The following PCSK5 variants were observed in gnomAD, a reference collection of about 807,000 sequenced individuals.
The protein encoded by PCSK5 is prohormone convertase 5.
Under a neutral mutation model 233.2 loss-of-function variants are expected in PCSK5, and 129 were observed. The observed-to-expected ratio is 0.55, with a 90% CI of 0.48 to 0.64. The LOEUF is 0.64. PCSK5 is among the 30% of genes least tolerant of loss of function. The pLI, the probability that PCSK5 is intolerant of heterozygous loss-of-function variation, is 0.00. For synonymous variants in PCSK5, 825 were observed against 879.2 expected (o/e 0.94, Z 1.09); for missense variants, 2,076 against 2,430.1 (o/e 0.85, Z 3.06).
At chr9:75,893,006 T>C (rs1173447873) in intron 1 of PCSK5, among the ~76,000 whole-genome samples, 1 of 152,168 alleles carries the variant, frequency 6.6e-6, no homozygotes, top group Non-Finnish European at 1.5e-5. Context: ...TCTTTTTCTC[T>C]GGAAGAAAAC....
At chr9:76,086,812 T>C (rs991226754) in intron 7 of PCSK5, among the ~76,000 whole-genome samples, 1 of 152,164 alleles carries the variant, frequency 6.6e-6, no homozygotes, top group East Asian at 1.9e-4. Context: ...TTCCCTTATG[T>C]AGAAATGTAA....
intron 20 of PCSK5, among the ~76,000 whole-genome samples, chr9:76,200,400 T>C (rs1824868918): frequency 6.6e-6 from 1 of 152,136 alleles, no homozygotes; most frequent in Non-Finnish European, 1.5e-5. Context: ...GAGCAGTTCC[T>C]TCCACCACTG....
At chr9:76,179,541 G>T in intron 14 of PCSK5, 55 bp from the exon 15 acceptor site, 1 of 1,286,628 alleles carries the variant, frequency 7.8e-7, no homozygotes, top group Non-Finnish European at 1.1e-6. Context: ...TCAAGGTAAA[G>T]CTGACCTGCT....
rs762564457 is a variant in PCSK5, at chr9:76,239,085, T to C, written c.2993T>C (p.Val998Ala). Residue 998 changes from valine to alanine, a missense_variant, in exon 23 of 38, where the codon GTG (valine) becomes GCG (alanine). Coordinates refer to ENST00000674117, the MANE Select transcript of PCSK5 (RefSeq NM_001372043.1). Reference protein sequence around the residue: ...CPDNCELCHSVHVCTRCMKGY... With the variant: ...CPDNCELCHSAHVCTRCMKGY... ...GACAACTGTGAGCTTTGCCACAGCGTGCATGTCTGCACAAGATGCATGAAG... is the reference window on the plus strand; with the variant it reads ...GACAACTGTGAGCTTTGCCACAGCGCGCATGTCTGCACAAGATGCATGAAG... 7 of 1,609,132 alleles carry C rather than the reference T, an allele frequency of 4.4e-6. No homozygotes were observed. In the Admixed American group the frequency reaches 1.2e-4, roughly 27 times the overall value.
intron 13 of PCSK5, among the ~76,000 whole-genome samples, chr9:76,172,613 A>G (rs927699816): frequency 3.3e-5 from 5 of 152,212 alleles, no homozygotes; most frequent in African/African-American, 9.6e-5. Flanking sequence ...CTTAAATAAA[A>G]TGAACTAAAT....
chr9:75,967,584 T>C (rs1252598074), intron 2 of PCSK5, among the ~76,000 whole-genome samples: 1 of 152,236 alleles, frequency 6.6e-6, no homozygotes, highest in African/African-American at 2.4e-5. Flanking sequence ...TCTGTGTTGT[T>C]GGCCCATTTC....
chr9:76,129,589 T>G (rs998997341), intron 9 of PCSK5, among the ~76,000 whole-genome samples: 2 of 152,124 alleles, frequency 1.3e-5, no homozygotes, highest in Non-Finnish European at 2.9e-5. Context: ...CCTTAATAAG[T>G]GCAGGTGAGT....
At chr9:76,044,038 A>G (rs1276320422) in intron 5 of PCSK5, among the ~76,000 whole-genome samples, 1 of 152,186 alleles carries the variant, frequency 6.6e-6, no homozygotes, top group Admixed American at 6.5e-5. Flanking sequence ...GAAAAATGTT[A>G]CCAACTTTCT....
At chr9:76,000,934 T>C (rs1160218903) in intron 3 of PCSK5, among the ~76,000 whole-genome samples, 1 of 151,920 alleles carries the variant, frequency 6.6e-6, no homozygotes, top group Non-Finnish European at 1.5e-5. Context: ...TTTTTTAAAC[T>C]CATATTTAGA....
intron 2 of PCSK5, among the ~76,000 whole-genome samples, chr9:75,951,166 G>C (rs769168294): frequency 6.6e-6 from 1 of 152,154 alleles, no homozygotes; most frequent in Non-Finnish European, 1.5e-5. Context: ...GAGGGCAAAG[G>C]CTTCATATGT....
chr9:76,192,112 C>G (rs952227342), intron 20 of PCSK5, among the ~76,000 whole-genome samples: 1 of 147,392 alleles, frequency 6.8e-6, no homozygotes, highest in Non-Finnish European at 1.5e-5. Context: ...TGCAGGAAAT[C>G]CATTGTAACA....
intron 5 of PCSK5, among the ~76,000 whole-genome samples, chr9:76,043,208 G>A (rs971083264): frequency 4.6e-5 from 7 of 151,960 alleles, no homozygotes; most frequent in Non-Finnish European, 8.8e-5. Flanking sequence ...TACCGGGCGT[G>A]GTGGCGGGCG....
At chr9:76,339,442 C>A (rs1281610873) in intron 35 of PCSK5, among the ~76,000 whole-genome samples, 1 of 151,952 alleles carries the variant, frequency 6.6e-6, no homozygotes, top group East Asian at 1.9e-4. Flanking sequence ...TTGGAGAAAA[C>A]CCCATCTTTA....
intron 17 of PCSK5, among the ~76,000 whole-genome samples, chr9:76,185,756 A>G (rs944542915): frequency 1.3e-5 from 2 of 152,146 alleles, no homozygotes; most frequent in Non-Finnish European, 2.9e-5. Flanking sequence ...CTCCTCTGCT[A>G]TTTATTAACT....
At chr9:76,117,591 T>C (rs1389303008) in intron 9 of PCSK5, among the ~76,000 whole-genome samples, 1 of 152,106 alleles carries the variant, frequency 6.6e-6, no homozygotes, top group Admixed American at 6.6e-5. Context: ...GAGCTTGCAA[T>C]CACAACCAAG....
chr9:76,070,162 G>A (rs926699412), intron 6 of PCSK5, among the ~76,000 whole-genome samples: 4 of 152,002 alleles, frequency 2.6e-5, no homozygotes, highest in East Asian at 1.9e-4. Context: ...CACTGCGCCC[G>A]GCTAATTTTT....
At chr9:76,227,664 A>G in intron 21 of PCSK5, 59 bp downstream of exon 21, 2 of 1,098,484 alleles carry the variant, frequency 1.8e-6, no homozygotes, top group Admixed American at 3.8e-5. Context: ...GGGTGGAGAG[A>G]GGAGGTGCTC....
intron 7 of PCSK5, among the ~76,000 whole-genome samples, chr9:76,093,147 G>A (rs1831368091): frequency 6.7e-6 from 1 of 148,934 alleles, no homozygotes. Flanking sequence ...CAGCCTGGAG[G>A]GCAGTGAAGC....
chr9:76,284,247 CA>C (rs1460252444), intron 24 of PCSK5, among the ~76,000 whole-genome samples: 4 of 152,074 alleles, frequency 2.6e-5, no homozygotes, highest in Non-Finnish European at 5.9e-5. Flanking sequence ...TGTCCTCACC[CA>C]AATCTCATCT....
Sources: allele counts gnomAD v4.1 joint callset (sites outside exome capture counted in the v4.1 genomes callset), GRCh38; gene constraint gnomAD v4.1.1; transcripts MANE v1.5; gene names NCBI Gene and HGNC (gene_info 2026-07-23, HGNC 2026-07-21).